The following ITM2C variants were observed in gnomAD, a reference collection of about 807,000 sequenced individuals.
ITM2C encodes the protein BRICHOS domain containing 2C.
A neutral mutation model predicts 30.0 loss-of-function variants in ITM2C; 20 were observed. The ratio of observed to expected loss-of-function variants is 0.67; its 90% confidence interval spans 0.47 to 0.97. ITM2C has a LOEUF of 0.97. ITM2C is among the 50% of genes least tolerant of loss of function. ITM2C has a pLI of 0.00. For synonymous variants in ITM2C, 167 were observed against 156.4 expected, an observed-to-expected ratio of 1.07 and a Z score of -0.51; for missense variants, 366 against 371.9, an observed-to-expected ratio of 0.98 and a Z score of 0.13.
In ITM2C at chr2:230,878,113, C is replaced by A; in HGVS notation, c.*14C>A. The A allele has an allele frequency of 6.4e-7, 1 of 1,552,808 alleles. No homozygotes were observed. Among genetic ancestry groups the A allele is most frequent in the Middle Eastern group, 1.7e-4 (1 of 5,732 alleles). On this transcript the variant is annotated 3_prime_UTR_variant, in exon 6 of 6. Transcript: ENST00000326427. The surrounding 1 kb of genome is among the most constrained non-coding windows in gnomAD (Gnocchi z 4.5). The stretch of plus-strand genomic sequence containing the variant: ...GGGGTGGTGTGAGGCCCTCCTCCCC[C>A]AGAACCCCCTGCCGTGTTCCTCTTT...
chr2:230,870,215 T>G (rs1697131909), intron 1 of ITM2C, among the ~76,000 whole-genome samples: 1 of 152,140 alleles, frequency 6.6e-6, no homozygotes, highest in African/African-American at 2.4e-5. Context: ...GTTCCAGGGC[T>G]TTGGTGTTTG....
At position 230,878,257 on chromosome 2, in the gene ITM2C, T is replaced by G; in HGVS notation, c.*158T>G. 1 of 467,970 alleles carries G rather than the reference T, an allele frequency of 2.1e-6. No homozygotes were observed. Among genetic ancestry groups the G allele is most frequent in the Non-Finnish European group, 3.8e-6 (1 of 265,960 alleles). The allele number at this position is 467,970 out of a possible 1,614,324, so 29.0% of individuals were successfully genotyped here. A position where few individuals can be genotyped will look rare whatever the true frequency, so the allele number is the denominator to read the frequency against. On this transcript the variant is annotated 3_prime_UTR_variant, in exon 6 of 6. Transcript: ENST00000326427. This position sits in a 1 kb window ranked among gnomAD's most constrained non-coding sequence, Gnocchi z 4.5. ...CTCTCCAACCCTGCCCACCTCCCTG[T>G]ACCAGAGCTGTGATCTCTCGGTGGG...
At chr2:230,866,117 G>T (rs541176176) in intron 1 of ITM2C, among the ~76,000 whole-genome samples, 1 of 152,238 alleles carries the variant, frequency 6.6e-6, no homozygotes, top group Non-Finnish European at 1.5e-5. Context: ...GGCAGGGACA[G>T]GGAGGGAGGG....
At chr2:230,874,777 G>A (rs985010835) in intron 2 of ITM2C, among the ~76,000 whole-genome samples, 2 of 152,164 alleles carry the variant, frequency 1.3e-5, no homozygotes, top group Admixed American at 6.5e-5. Context: ...GTATCTACAG[G>A]CCCCTCCAGG....
At chr2:230,871,906 A>C (rs1166581705) in intron 1 of ITM2C, among the ~76,000 whole-genome samples, 1 of 152,246 alleles carries the variant, frequency 6.6e-6, no homozygotes, top group Non-Finnish European at 1.5e-5. Flanking sequence ...TGGGAGGTGA[A>C]ACCTGAGGAG....
In ITM2C at chr2:230,877,572, C is replaced by G. The variant is rs755669440; in HGVS notation, c.712+22C>G. 2 of 1,612,192 alleles carry G rather than the reference C, an allele frequency of 1.2e-6. No individual in the cohort carries two copies. Among genetic ancestry groups the G allele is most frequent in the South Asian group, 2.2e-5 (2 of 90,998 alleles). On this transcript the variant is annotated intron_variant, in intron 5 of 5. Coordinates refer to ENST00000326427, the MANE Select transcript of ITM2C (RefSeq NM_030926.6). This position sits in a 1 kb window ranked among gnomAD's most constrained non-coding sequence, Gnocchi z 4.8. The stretch of plus-strand genomic sequence containing the variant: ...AGGCGTGAGTGGCTGGCTTCACCCA[C>G]AGTAGCCCCTGTCCCGTGCCCCAGA...
chr2:230,869,724 C>A (rs1697117693), intron 1 of ITM2C, among the ~76,000 whole-genome samples: 1 of 152,188 alleles, frequency 6.6e-6, no homozygotes, highest in Admixed American at 6.5e-5. Flanking sequence ...TGGGGGTCTG[C>A]CGAGTTAATG....
At chr2:230,864,705 C>CGAGCGAGT (rs1553536705), upstream of ITM2C, 102 of 158,592 alleles carry the variant, frequency 6.4e-4, no homozygotes, top group Non-Finnish European at 1.1e-3. The surrounding 1 kb of genome is among the most constrained non-coding windows in gnomAD (Gnocchi z 4.3). Flanking sequence ...AATGAGTGAG[C>CGAGCGAGT]GAGTGAGTGA....
In ITM2C at chr2:230,878,149, G is replaced by A. The variant is rs62195287; in HGVS notation, c.*50G>A. ...GCCGTGTTCCTCTTTTCTTCTTTCC[G>A]GCTGCTCTCTGGCCCTCCTCCTTCC... On this transcript the variant is annotated 3_prime_UTR_variant, in exon 6 of 6. Transcript: ENST00000326427. This position sits in a 1 kb window ranked among gnomAD's most constrained non-coding sequence, Gnocchi z 4.5. The A allele has an allele frequency of 0.13, 177,818 of 1,378,676 alleles. 11,899 individuals carry two copies. The highest frequency in any genetic ancestry group is 0.16 in the Middle Eastern group (774 of 4,894). The allele number at this position is 1,378,676 out of a possible 1,614,324, so 85.4% of individuals were successfully genotyped here. A position where few individuals can be genotyped will look rare whatever the true frequency, so the allele number is the denominator to read the frequency against.
chr2:230,871,343 C>G (rs1697159999), intron 1 of ITM2C, among the ~76,000 whole-genome samples: 1 of 152,252 alleles, frequency 6.6e-6, no homozygotes, highest in Non-Finnish European at 1.5e-5. Flanking sequence ...ATCCCTGGTG[C>G]CTGGTTTGCA....
At chr2:230,874,755 A>G (rs1697248884) in intron 2 of ITM2C, among the ~76,000 whole-genome samples, 1 of 152,196 alleles carries the variant, frequency 6.6e-6, no homozygotes, top group Non-Finnish European at 1.5e-5. Flanking sequence ...CAGGCCAGGC[A>G]GTCCCAAGCA....
intron 3 of ITM2C, 130 bp from the exon 4 acceptor site, chr2:230,876,727 G>A (rs969562123): frequency 1.5e-5 from 9 of 617,732 alleles, no homozygotes; most frequent in South Asian, 5.5e-5. Context: ...TGATCCGCCC[G>A]CCTCAGCCTC....
chr2:230,873,375 G>C, intron 1 of ITM2C, 42 bp from the exon 2 acceptor site: 9 of 1,470,312 alleles, frequency 6.1e-6, no homozygotes, highest in Non-Finnish European at 8.1e-6. Flanking sequence ...ATTTCCAGGG[G>C]AGGGGCCCTG....
chr2:230,875,352 A>C (rs759970402), intron 2 of ITM2C, among the ~76,000 whole-genome samples: 71 of 152,188 alleles, frequency 4.7e-4, no homozygotes, highest in Non-Finnish European at 6.6e-4. Flanking sequence ...AGAACCTGGC[A>C]GACCCAGCTC....
chr2:230,865,012 G>A lies in ITM2C; in HGVS notation c.-14G>A, dbSNP rs369924713. On this transcript the variant is annotated 5_prime_UTR_variant, in exon 1 of 6. Transcript: ENST00000326427. This position sits in a 1 kb window ranked among gnomAD's most constrained non-coding sequence, Gnocchi z 6.8. ...GGCAGAGGCTGCGGGGCGGACGCGC[G>A]GGCCGGCGCAGCCATGGTGAAGATT... The A allele has an allele frequency of 4.0e-5, 59 of 1,471,514 alleles. No individual in the cohort carries two copies. The highest frequency in any genetic ancestry group is 5.2e-5 in the Non-Finnish European group (57 of 1,101,800). The allele number at this position is 1,471,514 out of a possible 1,614,324, so 91.2% of individuals were successfully genotyped here.
intron 2 of ITM2C, among the ~76,000 whole-genome samples, chr2:230,873,877 C>T: frequency 6.6e-6 from 1 of 152,228 alleles, no homozygotes; most frequent in East Asian, 1.9e-4. Flanking sequence ...CTGTGATCCC[C>T]CTCCACAGCT....
At chr2:230,869,452 C>G (rs1043303453) in intron 1 of ITM2C, among the ~76,000 whole-genome samples, 3 of 152,192 alleles carry the variant, frequency 2.0e-5, no homozygotes, top group African/African-American at 7.2e-5. Flanking sequence ...AAGACACACA[C>G]ACTCGGTGGG....
intron 2 of ITM2C, 117 bp downstream of exon 2, chr2:230,873,674 A>T: frequency 9.5e-7 from 1 of 1,049,166 alleles, no homozygotes; most frequent in Non-Finnish European, 1.3e-6. Flanking sequence ...CTCAGGTGGG[A>T]GCGAGTGCCC....
At chr2:230,876,804 C>A in intron 3 of ITM2C, 53 bp from the exon 4 acceptor site, 1 of 1,258,994 alleles carries the variant, frequency 7.9e-7, no homozygotes, top group Non-Finnish European at 1.2e-6. Context: ...GCAGCCCTGC[C>A]TGGGTCAGCT....
Sources: allele counts gnomAD v4.1 joint callset (sites outside exome capture counted in the v4.1 genomes callset), GRCh38; gene constraint gnomAD v4.1.1; non-coding constraint Gnocchi (gnomAD v3.1); transcripts MANE v1.5; gene names NCBI Gene and HGNC (gene_info 2026-07-23, HGNC 2026-07-21).